Variants in GABRG3 observed in about 807,000 individuals in gnomAD.
The protein encoded by GABRG3 is gamma-aminobutyric acid type A receptor subunit gamma3, also known as gamma-aminobutyric acid receptor subunit gamma-3.
Under a neutral mutation model 48.8 loss-of-function variants are expected in GABRG3, and 25 were observed. That is an observed-to-expected ratio of 0.51 (90% confidence interval 0.37 to 0.72). GABRG3 has a LOEUF of 0.72. Among genes scored for constraint, GABRG3 ranks in the 30% least tolerant of loss-of-function variants. The pLI is 0.00. For missense variants in GABRG3, 394 were observed against 577.9 expected (o/e 0.68, Z 3.26); for synonymous variants, 227 against 217.6 (o/e 1.04, Z -0.38).
chr15:27,308,081 C>T lies in GABRG3; in HGVS notation c.271-18728C>T, dbSNP rs139668783. 1.4e-3 allele frequency among the ~76,000 whole-genome samples: 169 copies of T among 118,906 alleles called. 8 individuals carry two copies. Among genetic ancestry groups the T allele is most frequent in the African/African-American group, 6.3e-3 (159 of 25,364 alleles). The allele number at this position is 118,906 out of a possible 152,430, so 78.0% of individuals were successfully genotyped here. On this transcript the variant is annotated intron_variant, in intron 3 of 9. Transcript: ENST00000615808. ...ACATATATAAACATATATGTTTATA[C>T]ATCCAAACATATATAAACATATATG...
intron 3 of GABRG3, among the ~76,000 whole-genome samples, chr15:27,091,944 A>G (rs1310795570): frequency 1.3e-5 from 2 of 152,166 alleles, no homozygotes; most frequent in African/African-American, 2.4e-5. Context: ...CATGCTGGTA[A>G]GGTTGATTCT....
chr15:27,282,747 T>C (rs1891477468), intron 3 of GABRG3, among the ~76,000 whole-genome samples: 1 of 152,200 alleles, frequency 6.6e-6, no homozygotes, highest in Admixed American at 6.5e-5. Context: ...TGTTTTTCCA[T>C]TCAAGTTGAG....
chr15:27,367,122 C>T (rs1285624639), intron 5 of GABRG3, among the ~76,000 whole-genome samples: 3 of 152,184 alleles, frequency 2.0e-5, no homozygotes, highest in African/African-American at 7.2e-5. Flanking sequence ...CCAGGACCCA[C>T]TGCCCTGGGA....
intron 5 of GABRG3, among the ~76,000 whole-genome samples, chr15:27,454,812 A>G (rs545744933): frequency 2.0e-5 from 3 of 152,334 alleles, no homozygotes; most frequent in South Asian, 4.1e-4. Flanking sequence ...TTCAGTGTCA[A>G]CACATACGTA....
chr15:27,085,568 C>G (rs1897062066), intron 3 of GABRG3, among the ~76,000 whole-genome samples: 1 of 152,174 alleles, frequency 6.6e-6, no homozygotes, highest in South Asian at 2.1e-4. Context: ...TCAAATTACT[C>G]CCATCAACAG....
intron 3 of GABRG3, among the ~76,000 whole-genome samples, chr15:27,031,820 C>T (rs1346944384): frequency 1.3e-5 from 2 of 152,148 alleles, no homozygotes; most frequent in East Asian, 3.9e-4. Flanking sequence ...CTTTGTGGAA[C>T]TCTTTTGGAG....
At chr15:27,169,374 G>C (rs1887487293) in intron 3 of GABRG3, among the ~76,000 whole-genome samples, 1 of 152,110 alleles carries the variant, frequency 6.6e-6, no homozygotes, top group African/African-American at 2.4e-5. Context: ...TGTGAGGCTG[G>C]GGAAGCACCG....
rs1207165868 is a variant in GABRG3, at chr15:27,373,274, T to A, written c.574+44386T>A. Reference sequence around the variant, plus strand: ...TCTTATGAATATAAAATAAATACTGTCAAGTGTTTTTATCAACTCATTAAT... The same window carrying A: ...TCTTATGAATATAAAATAAATACTGACAAGTGTTTTTATCAACTCATTAAT... On this transcript the variant is annotated intron_variant, in intron 5 of 9. Transcript: ENST00000615808. 3.3e-5 allele frequency among the ~76,000 whole-genome samples: 5 copies of A among 152,330 alleles called. No homozygotes were observed. The East Asian group carries it at 9.6e-4, about 29-fold the overall frequency.
Position 27,532,492 on chromosome 15 carries a change from C to T in GABRG3, c.1123-108C>T, listed in dbSNP as rs1204021982. ...GGGGGGAAGGGCACACCCACGCATCCTCTTTATCTATAGGAGACAGATGTA... is the reference window on the plus strand; with the variant it reads ...GGGGGGAAGGGCACACCCACGCATCTTCTTTATCTATAGGAGACAGATGTA... On this transcript the variant is annotated intron_variant, in intron 9 of 9. Coordinates refer to ENST00000615808, the MANE Select transcript of GABRG3 (RefSeq NM_033223.5). 10 of 1,054,802 alleles carry T rather than the reference C, an allele frequency of 9.5e-6. No homozygotes were observed. The South Asian group carries it at 1.7e-4, about 17-fold the overall frequency. 65.3% of individuals were successfully genotyped at this position (1,054,802 alleles called of 1,614,324 possible).
rs373436294 is a variant in GABRG3 at position 27,060,519 on chromosome 15, C to T, written c.270+33698C>T. The stretch of plus-strand genomic sequence containing the variant: ...CAGCTTTAGAAGTTCCCTGAGACTT[C>T]GAGAATGTCAACAGATGCATGCTTT... On this transcript the variant is annotated intron_variant, in intron 3 of 9. Transcript: ENST00000615808. Among the ~76,000 whole-genome samples the T allele has an allele frequency of 3.0e-4, 46 of 152,320 alleles. 1 individual carries two copies. Among genetic ancestry groups the T allele is most frequent in the African/African-American group, 1.1e-3 (45 of 41,572 alleles).
At chr15:27,299,965 T>C (rs558857786) in intron 3 of GABRG3, among the ~76,000 whole-genome samples, 1 of 152,204 alleles carries the variant, frequency 6.6e-6, no homozygotes, top group African/African-American at 2.4e-5. Context: ...GGCTTGTGTA[T>C]GTCTAGATCT....
chr15:27,045,730 G>A (rs970140835), intron 3 of GABRG3, among the ~76,000 whole-genome samples: 5 of 152,158 alleles, frequency 3.3e-5, no homozygotes, highest in African/African-American at 1.2e-4. Context: ...ACCTCATTTT[G>A]TCCTCAGGGA....
At chr15:27,503,030 A>G (rs1014872980) in intron 6 of GABRG3, among the ~76,000 whole-genome samples, 1 of 152,212 alleles carries the variant, frequency 6.6e-6, no homozygotes, top group African/African-American at 2.4e-5. Flanking sequence ...ACCGATGGCC[A>G]TTGGTGATCA....
intron 2 of GABRG3, among the ~76,000 whole-genome samples, chr15:27,025,697 A>C (rs76546528): frequency 1.3e-5 from 2 of 152,184 alleles, no homozygotes; most frequent in Non-Finnish European, 2.9e-5. Context: ...CATTGTTTCA[A>C]AAGTAGAGTG....
intron 6 of GABRG3, among the ~76,000 whole-genome samples, chr15:27,497,044 C>G (rs1890504734): frequency 6.6e-6 from 1 of 152,202 alleles, no homozygotes; most frequent in East Asian, 1.9e-4. Context: ...GTCCATAGCC[C>G]AGATGCAGGA....
chr15:27,256,236 A>G (rs1303651694), intron 3 of GABRG3, among the ~76,000 whole-genome samples: 1 of 151,800 alleles, frequency 6.6e-6, no homozygotes, highest in Admixed American at 6.6e-5. Flanking sequence ...AGGTCAGGAG[A>G]TCAAGACCAT....
intron 5 of GABRG3, among the ~76,000 whole-genome samples, chr15:27,418,567 A>G (rs983149425): frequency 1.6e-4 from 24 of 152,182 alleles, no homozygotes; most frequent in African/African-American, 5.8e-4. Context: ...CCCCGGCCAC[A>G]GGCACATTCC....
chr15:27,389,394 T>A (rs965495229), intron 5 of GABRG3, among the ~76,000 whole-genome samples: 1 of 152,252 alleles, frequency 6.6e-6, no homozygotes, highest in East Asian at 1.9e-4. Context: ...TTTAAGTTTT[T>A]CCTGCACCAC....
intron 3 of GABRG3, among the ~76,000 whole-genome samples, chr15:27,192,640 A>T (rs748255038): frequency 6.6e-6 from 1 of 152,080 alleles, no homozygotes; most frequent in Non-Finnish European, 1.5e-5. Context: ...ATTGTTTTCA[A>T]AGTTTTTAAT....
Sources: gnomAD v4.1 joint callset for allele counts (sites outside exome capture counted in the v4.1 genomes callset) on GRCh38, gnomAD v4.1.1 for gene constraint, MANE v1.5 for transcripts, NCBI Gene and HGNC (gene_info 2026-07-23, HGNC 2026-07-21) for gene names.